The following RUBCNL variants were observed in gnomAD, a reference collection of about 807,000 sequenced individuals.
RUBCNL encodes the protein rubicon like autophagy enhancer.
In RUBCNL, 62 loss-of-function variants were observed where a neutral mutation model predicts 69.5. The ratio of observed to expected loss-of-function variants is 0.89; its 90% CI spans 0.73 to 1.10. RUBCNL has a LOEUF of 1.10. Ranked by LOEUF, RUBCNL falls within the 50% of genes least tolerant of loss-of-function variation. The pLI, the probability that RUBCNL is intolerant of heterozygous loss-of-function variation, is 0.00. For missense variants in RUBCNL, 768 were observed against 798.1 expected, an observed-to-expected ratio of 0.96 and a Z score of 0.45; for synonymous variants, 291 against 303.6, an observed-to-expected ratio of 0.96 and a Z score of 0.43.
intron 1 of RUBCNL, among the ~76,000 whole-genome samples, chr13:46,383,715 T>C (rs894855769): frequency 2.0e-5 from 3 of 152,120 alleles, no homozygotes; most frequent in Admixed American, 6.5e-5. Flanking sequence ...AAACAGTCAG[T>C]ATATGAGCCA....
At position 46,342,251 on chromosome 13, in the gene RUBCNL, T is replaced by C. The variant is rs1387842230; in HGVS notation, c.*1134A>G. On this transcript the variant is annotated 3_prime_UTR_variant, in exon 15 of 15. Transcript: ENST00000429979. ...CTGGATGGGGTTAGGGGACAATCTG[T>C]GACGCTTTATTGCCTGCCTGTGCTG... 1 of 152,206 alleles carries C rather than the reference T, an allele frequency of 6.6e-6. No individual in the cohort carries two copies. Among genetic ancestry groups the C allele is most frequent in the Admixed American group, 6.5e-5 (1 of 15,274 alleles). 9.4% of individuals were successfully genotyped at this position (152,206 alleles called of 1,614,324 possible).
rs555463372 is a variant in RUBCNL, at chr13:46,341,640, G to C, written c.*1745C>G. On this transcript the variant is annotated 3_prime_UTR_variant, in exon 15 of 15. Coordinates refer to ENST00000429979, the MANE Select transcript of RUBCNL (RefSeq NM_025113.5). Reference sequence around the variant, plus strand: ...ACAGAGCCCTTCAAGCAATGCTTGAGCCATAGCAGCTGCCTTAAATCAACA... The same window carrying C: ...ACAGAGCCCTTCAAGCAATGCTTGACCCATAGCAGCTGCCTTAAATCAACA... Among the ~76,000 whole-genome samples, 6 of 152,314 alleles carry C rather than the reference G, an allele frequency of 3.9e-5. No homozygotes were observed. Among genetic ancestry groups the C allele is most frequent in the African/African-American group, 1.4e-4 (6 of 41,570 alleles).
chr13:46,354,471 G>A (rs1301475017), intron 10 of RUBCNL, among the ~76,000 whole-genome samples: 1 of 152,190 alleles, frequency 6.6e-6, no homozygotes, highest in Admixed American at 6.5e-5. Context: ...GAAGCTAGAG[G>A]AATTTAACAG....
upstream of RUBCNL, chr13:46,387,582 T>A: frequency 1.0e-6 from 1 of 985,438 alleles, no homozygotes. Flanking sequence ...CAACCCCAGA[T>A]GCCCCCAGCA....
At chr13:46,365,175 C>T (rs575586332) in intron 5 of RUBCNL, among the ~76,000 whole-genome samples, 29 of 151,680 alleles carry the variant, frequency 1.9e-4, no homozygotes, top group African/African-American at 7.0e-4. Context: ...TGATGGTGTG[C>T]GGCTGTAATC....
At position 46,343,416 on chromosome 13, in the gene RUBCNL, A is replaced by G. The variant is rs759123476; in HGVS notation, c.1958T>C (p.Leu653Pro). ...RCARITARRK[L>P]LESVASAAT The stretch of plus-strand genomic sequence containing the variant: ...TGCTGCAGAGGCCACACTTTCCAGA[A>G]GTTTTCTCCTCGCTGTGATCCTCGC... Residue 653 changes from leucine to proline, a missense_variant, in exon 15 of 15, where the codon CTT becomes CCT. Coordinates refer to ENST00000429979, the MANE Select transcript of RUBCNL (RefSeq NM_025113.5). 6.2e-7 allele frequency: 1 copy of G among 1,613,816 alleles called. No homozygotes were observed. The highest frequency in any genetic ancestry group is 1.7e-5 in the Admixed American group (1 of 59,998).
intron 9 of RUBCNL, among the ~76,000 whole-genome samples, chr13:46,358,092 C>T (rs868026339): frequency 6.6e-6 from 1 of 152,168 alleles, no homozygotes; most frequent in African/African-American, 2.4e-5. Flanking sequence ...ACCTAGGAAA[C>T]CCCTAAAGAA....
chr13:46,388,199 C>CAAAAA (rs71074779), upstream of RUBCNL, among the ~76,000 whole-genome samples: 10 of 68,160 alleles, frequency 1.5e-4, 1 homozygote, highest in East Asian at 4.7e-4. Context: ...GCAAGACTGT[C>CAAAAA]AAAAAAAAAA....
intron 8 of RUBCNL, among the ~76,000 whole-genome samples, chr13:46,361,011 G>A (rs1282669613): frequency 6.6e-6 from 1 of 152,184 alleles, no homozygotes; most frequent in East Asian, 1.9e-4. Flanking sequence ...ATCACTTGAG[G>A]TCAGGAGTTG....
chr13:46,335,677 T>G lies in RUBCNL; in HGVS notation c.*7708A>C, dbSNP rs902996314. Among the ~76,000 whole-genome samples the G allele has an allele frequency of 6.6e-6, 1 of 152,190 alleles. No individual in the cohort carries two copies. Among genetic ancestry groups the G allele is most frequent in the Admixed American group, 6.5e-5 (1 of 15,280 alleles). On this transcript the variant is annotated 3_prime_UTR_variant, in exon 15 of 15. Transcript: ENST00000429979. The stretch of plus-strand genomic sequence containing the variant: ...TGTACTGTAATAATGTCAGTGGCTG[T>G]GGTGAGCCATCAACTAAGATATATT...
At chr13:46,360,596 C>A (rs141050508) in intron 8 of RUBCNL, among the ~76,000 whole-genome samples, 145 of 152,302 alleles carry the variant, frequency 9.5e-4, no homozygotes, top group African/African-American at 3.4e-3. Flanking sequence ...CAGTTCTGGC[C>A]AGCCCAATAC....
chr13:46,350,032 G>A lies in RUBCNL; in HGVS notation c.1569+81C>T, dbSNP rs193279204. 9 of 1,061,448 alleles carry A rather than the reference G, an allele frequency of 8.5e-6. No homozygotes were observed. In the African/African-American group the frequency reaches 1.1e-4, roughly 13 times the overall value. 65.8% of individuals were successfully genotyped at this position (1,061,448 alleles called of 1,614,324 possible). On this transcript the variant is annotated intron_variant, in intron 11 of 14. Coordinates refer to ENST00000429979, the MANE Select transcript of RUBCNL (RefSeq NM_025113.5). ...TTGCCTCTTAGAGGATGTATCTGTG[G>A]GTTCCCCAAGCTAGTGTGATGTGCA...
At chr13:46,374,884 C>T (rs886596347) in intron 2 of RUBCNL, among the ~76,000 whole-genome samples, 1 of 152,178 alleles carries the variant, frequency 6.6e-6, no homozygotes, top group Non-Finnish European at 1.5e-5. Flanking sequence ...AAATGCTCCT[C>T]CCCCAGATGA....
intron 13 of RUBCNL, 86 bp downstream of exon 13, chr13:46,345,361 T>C: frequency 6.9e-7 from 1 of 1,459,114 alleles, no homozygotes. Context: ...CCTCAGGGTT[T>C]GTGAGAGTTA....
upstream of RUBCNL, among the ~76,000 whole-genome samples, chr13:46,388,343 G>GC (rs2138874344): frequency 6.7e-6 from 1 of 148,236 alleles, no homozygotes; most frequent in South Asian, 2.2e-4. Flanking sequence ...AGCCAAGGAA[G>GC]GAAGGAAGGA....
At position 46,338,909 on chromosome 13, in the gene RUBCNL, T is replaced by C. The variant is rs1196299885; in HGVS notation, c.*4476A>G. Reference sequence around the variant, plus strand: ...AAAACAGAAAAAAATTAGCTGGGCATGGTGGCACATGCCTGTGGTCCCAGC... The same window carrying C: ...AAAACAGAAAAAAATTAGCTGGGCACGGTGGCACATGCCTGTGGTCCCAGC... On this transcript the variant is annotated 3_prime_UTR_variant, in exon 15 of 15. Transcript: ENST00000429979. Among the ~76,000 whole-genome samples the C allele has an allele frequency of 1.3e-5, 2 of 151,988 alleles. No individual in the cohort carries two copies. The highest frequency in any genetic ancestry group is 4.8e-5 in the African/African-American group (2 of 41,372).
chr13:46,339,553 A>G lies in RUBCNL; in HGVS notation c.*3832T>C, dbSNP rs2048126717. ...TCCGAAGTCTCAGACAAATGACCAC[A>G]CTCTGGGTGGTTTAAAACAACAGGG... On this transcript the variant is annotated 3_prime_UTR_variant, in exon 15 of 15. Transcript: ENST00000429979. Among the ~76,000 whole-genome samples, 1 of 151,726 alleles carries G rather than the reference A, an allele frequency of 6.6e-6. No homozygotes were observed. Among genetic ancestry groups the G allele is most frequent in the South Asian group, 2.1e-4 (1 of 4,784 alleles).
chr13:46,375,154 C>T (rs1283844754), intron 2 of RUBCNL, among the ~76,000 whole-genome samples: 2 of 152,148 alleles, frequency 1.3e-5, no homozygotes, highest in Non-Finnish European at 2.9e-5. Flanking sequence ...GGGTAGCATG[C>T]CCCATACCTA....
intron 12 of RUBCNL, among the ~76,000 whole-genome samples, chr13:46,345,923 G>A (rs2048237113): frequency 6.6e-6 from 1 of 152,178 alleles, no homozygotes; most frequent in African/African-American, 2.4e-5. Context: ...CTTAAAGAAT[G>A]TGAACCTAGT....
Sources: allele counts gnomAD v4.1 joint callset (sites outside exome capture counted in the v4.1 genomes callset), GRCh38; gene constraint gnomAD v4.1.1; transcripts MANE v1.5; gene names NCBI Gene and HGNC (gene_info 2026-07-23, HGNC 2026-07-21).